CCDC200: variants seen among roughly 807,000 people sequenced by gnomAD.
CCDC200 encodes coiled-coil domain containing 200, also known as coiled-coil domain-containing protein 200.
At position 43,223,246 on chromosome 17, in the gene CCDC200, AT is replaced by A. The variant is rs1382906549; in HGVS notation, c.480+309del. Among the ~76,000 whole-genome samples, 54 of 84,848 alleles carry A rather than the reference AT, an allele frequency of 6.4e-4. 1 individual carries two copies. Among genetic ancestry groups the A allele is most frequent in the African/African-American group, 2.1e-3 (52 of 25,192 alleles). 55.7% of individuals were successfully genotyped at this position (84,848 alleles called of 152,430 possible). A position where few individuals can be genotyped will look rare whatever the true frequency, so the allele number is the denominator to read the frequency against. On this transcript the variant is annotated intron_variant, in intron 3 of 3. Transcript: ENST00000636331. ...TTTCAATTTTTTTCAATTTTTTTCA[AT>A]TTTTTTTTTTTTTTGGAGATGTCTG...
At chr17:43,224,790 GCTT>G (rs1411434859) in intron 1 of CCDC200, 2 of 152,266 alleles carry the variant, frequency 1.3e-5, no homozygotes, top group Non-Finnish European at 2.9e-5. Flanking sequence ...CTGAGCACCT[GCTT>G]CCTCACTTGA....
chr17:43,227,433 C>T (rs1177897404), intron 1 of CCDC200, among the ~76,000 whole-genome samples: 7 of 152,146 alleles, frequency 4.6e-5, no homozygotes, highest in East Asian at 3.9e-4. Context: ...CCAGACCAGC[C>T]AGGGCAACAT....
chr17:43,225,447 G>A (rs775633520), intron 1 of CCDC200, among the ~76,000 whole-genome samples: 27 of 150,188 alleles, frequency 1.8e-4, no homozygotes, highest in Non-Finnish European at 2.8e-4. Flanking sequence ...GGCGGATCAC[G>A]AGGTCAGGAG....
intron 1 of CCDC200, among the ~76,000 whole-genome samples, chr17:43,225,346 G>A (rs947352638): frequency 1.3e-5 from 2 of 151,878 alleles, no homozygotes; most frequent in Non-Finnish European, 2.9e-5. Flanking sequence ...CAAGTGCTTT[G>A]AAATAGCAGT....
intron 1 of CCDC200, among the ~76,000 whole-genome samples, chr17:43,225,922 C>T (rs7406411): frequency 0.32 from 47,056 of 148,816 alleles, 7,781 homozygotes; most frequent in South Asian, 0.49. Context: ...TTAGTAGAGG[C>T]GGGGTTTCAC....
At chr17:43,222,372 G>A (rs1185553025) in intron 3 of CCDC200, among the ~76,000 whole-genome samples, 1 of 152,056 alleles carries the variant, frequency 6.6e-6, no homozygotes, top group African/African-American at 2.4e-5. Flanking sequence ...TCAGCATGTT[G>A]CCCAGGCTGT....
intron 3 of CCDC200, among the ~76,000 whole-genome samples, chr17:43,222,308 G>A (rs1439356370): frequency 6.6e-6 from 1 of 151,708 alleles, no homozygotes; most frequent in Non-Finnish European, 1.5e-5. Context: ...TGGGACTACA[G>A]ATGCGCCCTA....
chr17:43,226,751 A>C (rs1294697344), intron 1 of CCDC200, among the ~76,000 whole-genome samples: 1 of 152,140 alleles, frequency 6.6e-6, no homozygotes, highest in Non-Finnish European at 1.5e-5. Context: ...CATATCAGTG[A>C]AGTATTTTAT....
At chr17:43,226,654 A>T (rs796811449) in intron 1 of CCDC200, among the ~76,000 whole-genome samples, 11 of 152,298 alleles carry the variant, frequency 7.2e-5, no homozygotes, top group African/African-American at 2.6e-4. Context: ...TTGGCTCCCA[A>T]AGAGCTGGGA....
At chr17:43,223,699 G>C (rs1047928647) in intron 2 of CCDC200, 85 bp from the exon 3 acceptor site, 1 of 152,574 alleles carries the variant, frequency 6.6e-6, no homozygotes, top group East Asian at 1.9e-4. Context: ...TGTGTCTGGT[G>C]ACCCAGGGGG....
At chr17:43,224,585 C>A in intron 1 of CCDC200, 36 bp from the exon 2 acceptor site, 1 of 152,918 alleles carries the variant, frequency 6.5e-6, no homozygotes, top group Non-Finnish European at 1.5e-5. Context: ...GCATCATCCT[C>A]TCCCCACCCA....
chr17:43,227,783 C>T (rs574757721), intron 1 of CCDC200, among the ~76,000 whole-genome samples: 25 of 151,840 alleles, frequency 1.6e-4, no homozygotes, highest in Non-Finnish European at 2.5e-4. Context: ...CCATGCCCGG[C>T]CAAAATAACA....
At chr17:43,230,678 GAA>G (rs1194184063), upstream of CCDC200, among the ~76,000 whole-genome samples, 3,811 of 6,896 alleles carry the variant, frequency 0.55, 1,500 homozygotes, top group Middle Eastern at 1. Context: ...CTTTGTCTCT[GAA>G]AAAAAAAAAA....
At chr17:43,222,136 G>A (rs866044411) in intron 3 of CCDC200, among the ~76,000 whole-genome samples, 94 of 151,942 alleles carry the variant, frequency 6.2e-4, no homozygotes, top group African/African-American at 2.2e-3. Context: ...CCTACAATGA[G>A]CTGGACTCCA....
At chr17:43,224,128 G>C (rs538683721) in intron 2 of CCDC200, 106 bp downstream of exon 2, 2 of 152,950 alleles carry the variant, frequency 1.3e-5, no homozygotes, top group South Asian at 2.1e-4. Context: ...CCACTCCCAG[G>C]CTCCAGTCCA....
Position 43,228,108 on chromosome 17 carries a change from C to CA in CCDC200, c.105+341dup, listed in dbSNP as rs4027812. 2.1e-3 allele frequency among the ~76,000 whole-genome samples: 42 copies of CA among 20,150 alleles called. 2 individuals carry two copies. The highest frequency in any genetic ancestry group is 9.7e-3 in the African/African-American group (29 of 2,996). The allele number at this position is 20,150 out of a possible 152,430, so 13.2% of individuals were successfully genotyped here. A position where few individuals can be genotyped will look rare whatever the true frequency, so the allele number is the denominator to read the frequency against. On this transcript the variant is annotated intron_variant, in intron 1 of 3. Transcript: ENST00000636331. ...GGGCAACAAGAGCAAAACTCCATCT[C>CA]AAAAAAAAAAAAAAAAATTTGGTTC...
intron 1 of CCDC200, among the ~76,000 whole-genome samples, chr17:43,225,374 T>A (rs922825994): frequency 1.3e-5 from 2 of 151,636 alleles, no homozygotes; most frequent in Admixed American, 6.6e-5. Flanking sequence ...AAAAATATAA[T>A]TCATGCTGGG....
At chr17:43,222,365 G>A (rs1445136792) in intron 3 of CCDC200, among the ~76,000 whole-genome samples, 1 of 152,000 alleles carries the variant, frequency 6.6e-6, no homozygotes, top group East Asian at 1.9e-4. Context: ...TGGCATCTCA[G>A]CATGTTGCCC....
intron 1 of CCDC200, among the ~76,000 whole-genome samples, chr17:43,225,661 T>TAAAAA (rs1295343254): frequency 5.0e-5 from 1 of 20,170 alleles, no homozygotes; most frequent in African/African-American, 6.4e-5. Context: ...AGACTCCGTC[T>TAAAAA]AAAAAAAAAA....
Sources: gnomAD v4.1 joint callset for allele counts (sites outside exome capture counted in the v4.1 genomes callset) on GRCh38, gnomAD v4.1.1 for gene constraint, MANE v1.5 for transcripts, NCBI Gene and HGNC (gene_info 2026-07-23, HGNC 2026-07-21) for gene names.